The following PTPRQ variants were observed in gnomAD, a reference collection of about 807,000 sequenced individuals.
PTPRQ encodes the protein protein tyrosine phosphatase receptor type Q.
Under a neutral mutation model 246.0 loss-of-function variants are expected in PTPRQ, and 199 were observed. The ratio of observed to expected loss-of-function variants is 0.81; its 90% CI spans 0.72 to 0.91. The LOEUF is 0.91. Ranked by LOEUF, PTPRQ falls within the 40% of genes least tolerant of loss-of-function variation. The pLI, the probability that PTPRQ is intolerant of heterozygous loss-of-function variation, is 0.00. For synonymous variants in PTPRQ, 869 were observed against 853.2 expected (o/e 1.02, Z -0.32); for missense variants, 2,624 against 2,528.4 (o/e 1.04, Z -0.81).
chr12:80,534,521 C>A (rs1277839090), intron 18 of PTPRQ, among the ~76,000 whole-genome samples: 1 of 151,938 alleles, frequency 6.6e-6, no homozygotes, highest in Non-Finnish European at 1.5e-5. Flanking sequence ...ATGCATGAAT[C>A]ATTTGTCTAT....
chr12:80,561,752 TC>T (rs1290444775), intron 25 of PTPRQ, among the ~76,000 whole-genome samples: 1 of 152,144 alleles, frequency 6.6e-6, no homozygotes, highest in Non-Finnish European at 1.5e-5. Flanking sequence ...TTTTGCTTCT[TC>T]CTTTCTCATC....
In PTPRQ at chr12:80,620,488, G is replaced by A. The variant is rs568470500; in HGVS notation, c.5612+112G>A. The stretch of plus-strand genomic sequence containing the variant: ...CCAATAAGCACTGGATGTCCGCCAC[G>A]TATAGTGACCTGATTTTTCTGGCAC... On this transcript the variant is annotated intron_variant, in intron 32 of 44. Coordinates refer to ENST00000644991, the MANE Select transcript of PTPRQ (RefSeq NM_001145026.2). 99 of 1,428,518 alleles carry A rather than the reference G, an allele frequency of 6.9e-5. 1 individual carries two copies. The South Asian group carries it at 7.7e-4, about 11-fold the overall frequency. The allele number at this position is 1,428,518 out of a possible 1,614,324, so 88.5% of individuals were successfully genotyped here.
chr12:80,540,123 C>T (rs912954537), intron 20 of PTPRQ, among the ~76,000 whole-genome samples, 179 bp downstream of exon 20: 2 of 152,020 alleles, frequency 1.3e-5, no homozygotes, highest in Non-Finnish European at 2.9e-5. Context: ...CTCTTCTGTT[C>T]AAGAAAACTG....
intron 25 of PTPRQ, among the ~76,000 whole-genome samples, chr12:80,579,673 G>A (rs1897375349): frequency 6.6e-6 from 1 of 152,064 alleles, no homozygotes; most frequent in African/African-American, 2.4e-5. Flanking sequence ...ATTTGTAGCT[G>A]GTATGCTGAA....
intron 39 of PTPRQ, among the ~76,000 whole-genome samples, chr12:80,663,277 A>G (rs1256600628): frequency 6.6e-6 from 1 of 151,974 alleles, no homozygotes; most frequent in Non-Finnish European, 1.5e-5. Context: ...ATGTGTATGT[A>G]TATAAAATAT....
intron 17 of PTPRQ, among the ~76,000 whole-genome samples, chr12:80,527,140 A>G (rs1895710971): frequency 6.6e-6 from 1 of 152,046 alleles, no homozygotes. Context: ...TTTCTTGACT[A>G]AATGTGTTAA....
At chr12:80,673,426 T>C (rs1901037130) in intron 43 of PTPRQ, 122 bp downstream of exon 43, 1 of 1,410,608 alleles carries the variant, frequency 7.1e-7, no homozygotes, top group Non-Finnish European at 9.3e-7. Flanking sequence ...TCCTACATTA[T>C]AAGCCTTTTG....
chr12:80,503,129 C>A (rs934692203), intron 14 of PTPRQ, among the ~76,000 whole-genome samples: 1 of 151,782 alleles, frequency 6.6e-6, no homozygotes, highest in Non-Finnish European at 1.5e-5. Context: ...TACACCCTAT[C>A]GTTAGTGAGA....
chr12:80,601,285 G>T (rs182531943), intron 26 of PTPRQ, among the ~76,000 whole-genome samples: 244 of 151,580 alleles, frequency 1.6e-3, no homozygotes, highest in African/African-American at 5.6e-3. Flanking sequence ...CATGGTCTTT[G>T]TCTCTTTGGT....
intron 17 of PTPRQ, among the ~76,000 whole-genome samples, chr12:80,519,691 T>C (rs1280903015): frequency 6.6e-6 from 1 of 152,184 alleles, no homozygotes; most frequent in Admixed American, 6.5e-5. Context: ...CCATGTTCAC[T>C]TTGGGGTTGA....
At chr12:80,485,489 A>T (rs1336247025) in intron 9 of PTPRQ, among the ~76,000 whole-genome samples, 1 of 152,156 alleles carries the variant, frequency 6.6e-6, no homozygotes, top group Non-Finnish European at 1.5e-5. Flanking sequence ...TCCCCCACAC[A>T]TGCTTTCATT....
At chr12:80,591,425 C>A (rs375156034) in intron 26 of PTPRQ, among the ~76,000 whole-genome samples, 1 of 152,176 alleles carries the variant, frequency 6.6e-6, no homozygotes, top group Middle Eastern at 3.4e-3. Flanking sequence ...TACCATCCCA[C>A]GCATATTTTC....
chr12:80,645,371 C>T (rs1900035214), intron 35 of PTPRQ, among the ~76,000 whole-genome samples: 1 of 152,020 alleles, frequency 6.6e-6, no homozygotes, highest in South Asian at 2.1e-4. Flanking sequence ...TGAGAATTCT[C>T]AGTTTCTTAA....
intron 17 of PTPRQ, among the ~76,000 whole-genome samples, chr12:80,530,919 T>C (rs2120793462): frequency 6.6e-6 from 1 of 151,986 alleles, no homozygotes; most frequent in South Asian, 2.1e-4. Context: ...TGGTGTAGGG[T>C]TGCATGCCTG....
intron 25 of PTPRQ, among the ~76,000 whole-genome samples, chr12:80,586,311 G>A (rs1897616820): frequency 6.6e-6 from 1 of 151,194 alleles, no homozygotes; most frequent in South Asian, 2.1e-4. Context: ...ATCATCACTG[G>A]CCATCAGAGA....
chr12:80,567,969 A>G (rs537741408), intron 25 of PTPRQ, among the ~76,000 whole-genome samples: 71 of 152,268 alleles, frequency 4.7e-4, no homozygotes, highest in African/African-American at 1.6e-3. Flanking sequence ...TTGTAACTTT[A>G]ATTCACATTT....
At chr12:80,642,625 A>G (rs1164655593) in intron 35 of PTPRQ, among the ~76,000 whole-genome samples, 1 of 152,236 alleles carries the variant, frequency 6.6e-6, no homozygotes, top group African/African-American at 2.4e-5. Flanking sequence ...AAATAAAAAT[A>G]AATAACAATT....
rs1343207437 is a variant in PTPRQ at position 80,541,673 on chromosome 12, C to G, written c.3273C>G (p.Ile1091Met). 6.4e-7 allele frequency: 1 copy of G among 1,551,338 alleles called. No individual in the cohort carries two copies. Among genetic ancestry groups the G allele is most frequent in the East Asian group, 2.4e-5 (1 of 40,906 alleles). Residue 1091 changes from isoleucine (I) to methionine (M), a missense_variant, in exon 21 of 45, where the codon ATC becomes ATG. Physicochemically the swap from Ile to Met is conservative, Grantham distance 10. Coordinates refer to ENST00000644991, the MANE Select transcript of PTPRQ (RefSeq NM_001145026.2). Reference sequence around the variant, plus strand: ...TAGTCTTCTACTATGTTTCACTGATCTTACAGCAGACTCCTCGCCATGTGA... The same window carrying G: ...TAGTCTTCTACTATGTTTCACTGATGTTACAGCAGACTCCTCGCCATGTGA... ...NGLVFYYVSL[I>M]LQQTPRHVRP...
intron 8 of PTPRQ, among the ~76,000 whole-genome samples, chr12:80,480,647 A>C (rs1021434504): frequency 6.6e-6 from 1 of 152,130 alleles, no homozygotes; most frequent in African/African-American, 2.4e-5. Flanking sequence ...AAAGAAAAAA[A>C]GAGAGAAGAA....
Sources: gnomAD v4.1 joint callset for allele counts (sites outside exome capture counted in the v4.1 genomes callset) on GRCh38, gnomAD v4.1.1 for gene constraint, MANE v1.5 for transcripts, NCBI Gene and HGNC (gene_info 2026-07-23, HGNC 2026-07-21) for gene names.